SEMA5A: variants seen among roughly 807,000 people sequenced by gnomAD.
SEMA5A encodes the protein semaphorin-5A.
In SEMA5A, 55 loss-of-function variants were observed where a neutral mutation model predicts 135.5. The observed-to-expected ratio is 0.41, with a 90% CI of 0.33 to 0.51. The LOEUF (loss-of-function observed/expected upper bound fraction) is 0.51, where lower values mean the gene tolerates loss of function less well. Ranked by LOEUF, SEMA5A falls within the 20% of genes least tolerant of loss-of-function variation. SEMA5A has a pLI of 0.37. For missense variants in SEMA5A, 1,290 were observed against 1,419.9 expected (o/e 0.91, Z 1.47); for synonymous variants, 580 against 546.5 (o/e 1.06, Z -0.85).
chr5:9,361,361 A>G lies in SEMA5A; in HGVS notation c.124+18462T>C, dbSNP rs754183715. On this transcript the variant is annotated intron_variant, in intron 3 of 22. Coordinates refer to ENST00000382496, the MANE Select transcript of SEMA5A (RefSeq NM_003966.3). ...AAAACTCAATTCTATGCAGCATCAC[A>G]TACTTTCTTCCTTAAAAATAAGACA... 2.6e-5 allele frequency among the ~76,000 whole-genome samples: 4 copies of G among 152,090 alleles called. No homozygotes were observed. In the South Asian group the frequency reaches 8.3e-4, roughly 32 times the overall value.
At chr5:9,159,473 C>T (rs1328211260) in intron 11 of SEMA5A, among the ~76,000 whole-genome samples, 1 of 152,274 alleles carries the variant, frequency 6.6e-6, no homozygotes, top group Middle Eastern at 3.4e-3. Flanking sequence ...TATCATTGAT[C>T]ATCAGAGAAG....
chr5:9,230,555 C>G (rs1213357684), intron 6 of SEMA5A, among the ~76,000 whole-genome samples: 1 of 152,136 alleles, frequency 6.6e-6, no homozygotes, highest in Non-Finnish European at 1.5e-5. Flanking sequence ...GACACTGGCT[C>G]TATTATTGGC....
At chr5:9,470,022 A>C (rs1471158669) in intron 1 of SEMA5A, among the ~76,000 whole-genome samples, 1 of 152,242 alleles carries the variant, frequency 6.6e-6, no homozygotes, top group Non-Finnish European at 1.5e-5. Flanking sequence ...GAGACAGTAC[A>C]TGCAGAAGGG....
intron 1 of SEMA5A, among the ~76,000 whole-genome samples, chr5:9,471,849 T>A (rs1759489581): frequency 6.6e-6 from 1 of 152,260 alleles, no homozygotes; most frequent in Non-Finnish European, 1.5e-5. Flanking sequence ...TGCTCAAAAT[T>A]AAATGCTCTG....
At chr5:9,093,467 G>A (rs1172962054) in intron 16 of SEMA5A, among the ~76,000 whole-genome samples, 2 of 152,144 alleles carry the variant, frequency 1.3e-5, no homozygotes, top group Non-Finnish European at 2.9e-5. Flanking sequence ...CCAGCACTTT[G>A]GGAGGCTGAG....
chr5:9,444,129 T>C (rs1453118785), intron 1 of SEMA5A, among the ~76,000 whole-genome samples: 1 of 152,240 alleles, frequency 6.6e-6, no homozygotes, highest in African/African-American at 2.4e-5. Context: ...AAGATAGATC[T>C]CTGGATTTGT....
intron 10 of SEMA5A, among the ~76,000 whole-genome samples, chr5:9,195,059 T>G (rs1255728890): frequency 6.6e-6 from 1 of 152,238 alleles, no homozygotes; most frequent in African/African-American, 2.4e-5. Context: ...CTTCAGGATT[T>G]TATTATACAA....
chr5:9,400,273 T>C (rs902416476), intron 2 of SEMA5A, among the ~76,000 whole-genome samples: 5 of 152,150 alleles, frequency 3.3e-5, no homozygotes, highest in African/African-American at 1.2e-4. Context: ...TATGTATACC[T>C]ATGTAACAAG....
chr5:9,257,372 C>T (rs1040692675), intron 5 of SEMA5A, among the ~76,000 whole-genome samples: 7 of 152,122 alleles, frequency 4.6e-5, no homozygotes, highest in Non-Finnish European at 8.8e-5. Flanking sequence ...TGTGCCATTA[C>T]GTTGGGAAAT....
intron 3 of SEMA5A, among the ~76,000 whole-genome samples, chr5:9,373,051 C>A (rs1266992415): frequency 3.3e-5 from 5 of 152,046 alleles, no homozygotes; most frequent in Admixed American, 2.0e-4. Flanking sequence ...ATGCACATGG[C>A]CACATTAGAG....
At chr5:9,370,992 A>G (rs1028401912) in intron 3 of SEMA5A, among the ~76,000 whole-genome samples, 1 of 152,240 alleles carries the variant, frequency 6.6e-6, no homozygotes, top group Non-Finnish European at 1.5e-5. Context: ...AAAATACAAT[A>G]ACGTACCATT....
At chr5:9,275,407 A>G (rs1436191554) in intron 5 of SEMA5A, among the ~76,000 whole-genome samples, 1 of 152,150 alleles carries the variant, frequency 6.6e-6, no homozygotes. Context: ...AAAGGTACAA[A>G]GAGAAGCTGG....
chr5:9,323,238 A>G (rs1223515675), intron 4 of SEMA5A, among the ~76,000 whole-genome samples: 1 of 152,252 alleles, frequency 6.6e-6, no homozygotes, highest in East Asian at 1.9e-4. Context: ...ATGTTTAGAT[A>G]TACACATTGC....
At chr5:9,187,851 A>T (rs2150341960) in intron 11 of SEMA5A, among the ~76,000 whole-genome samples, 1 of 152,374 alleles carries the variant, frequency 6.6e-6, no homozygotes, top group East Asian at 1.9e-4. Context: ...TCCCTGCGGC[A>T]GCTGAGTCCT....
chr5:9,149,206 T>C (rs1742499434), intron 12 of SEMA5A, among the ~76,000 whole-genome samples: 1 of 152,196 alleles, frequency 6.6e-6, no homozygotes, highest in Non-Finnish European at 1.5e-5. Context: ...TATGGCTGCT[T>C]TCACACTGCA....
chr5:9,193,077 G>A lies in SEMA5A; in HGVS notation c.1069-2606C>T, dbSNP rs528445724. Among the ~76,000 whole-genome samples the A allele has an allele frequency of 3.9e-5, 6 of 152,076 alleles. No individual in the cohort carries two copies. The East Asian group carries it at 1.2e-3, about 29-fold the overall frequency. On this transcript the variant is annotated intron_variant, in intron 10 of 22. Transcript: ENST00000382496. ...ATGACTGCCAGAATTGCCAAGAATT[G>A]GTTTTGAGGTATACTCTACTACTTC...
rs1745905435 is a variant in SEMA5A, at chr5:9,204,561, T to A, written c.647-2321A>T. On this transcript the variant is annotated intron_variant, in intron 8 of 22. Coordinates refer to ENST00000382496, the MANE Select transcript of SEMA5A (RefSeq NM_003966.3). This position sits in a 1 kb window ranked among gnomAD's most constrained non-coding sequence, Gnocchi z 6.4. The stretch of plus-strand genomic sequence containing the variant: ...CAAGATCTGTGCTTGGTGCTTTATA[T>A]CCCCATTGAACTCACAAGAATCACA... 6.6e-6 allele frequency among the ~76,000 whole-genome samples: 1 copy of A among 152,220 alleles called. No individual in the cohort carries two copies. The highest frequency in any genetic ancestry group is 6.5e-5 in the Admixed American group (1 of 15,278).
At chr5:9,407,948 C>A (rs1756951447) in intron 2 of SEMA5A, among the ~76,000 whole-genome samples, 1 of 151,874 alleles carries the variant, frequency 6.6e-6, no homozygotes, top group Non-Finnish European at 1.5e-5. Context: ...ATTGTCAACA[C>A]CACCACTATG....
At chr5:9,421,281 A>C (rs1757458311) in intron 2 of SEMA5A, among the ~76,000 whole-genome samples, 1 of 152,222 alleles carries the variant, frequency 6.6e-6, no homozygotes, top group South Asian at 2.1e-4. Context: ...AATCTCTCCA[A>C]GTTAACCAGG....
Sources: allele counts gnomAD v4.1 joint callset (sites outside exome capture counted in the v4.1 genomes callset), GRCh38; gene constraint gnomAD v4.1.1; non-coding constraint Gnocchi (gnomAD v3.1); transcripts MANE v1.5; gene names NCBI Gene and HGNC (gene_info 2026-07-23, HGNC 2026-07-21).